The following HIF1A variants were observed in gnomAD, a reference collection of about 807,000 sequenced individuals.
HIF1A encodes the protein hypoxia-inducible factor 1-alpha.
HIF1A carries 24 observed loss-of-function variants against 92.7 expected under a neutral mutation model. The observed-to-expected ratio is 0.26, with a 90% CI of 0.19 to 0.36. HIF1A has a LOEUF of 0.36. Ranked by LOEUF, HIF1A falls within the 10% of genes least tolerant of loss-of-function variation. The probability of loss-of-function intolerance (pLI) is 1.00; values close to 1 mark genes in which losing one functional copy is unlikely to be tolerated. For synonymous variants in HIF1A, 319 were observed against 338.7 expected (o/e 0.94, Z 0.64); for missense variants, 799 against 998.5 (o/e 0.80, Z 2.69).
At chr14:61,699,337 G>T (rs1439873147) in intron 1 of HIF1A, among the ~76,000 whole-genome samples, 1 of 152,118 alleles carries the variant, frequency 6.6e-6, no homozygotes, top group East Asian at 1.9e-4. Flanking sequence ...TACTTTTAAC[G>T]CCATTGTCTG....
chr14:61,746,994 G>C lies in HIF1A; in HGVS notation c.2390G>C (p.Ser797Thr). 1 of 1,613,704 alleles carries C rather than the reference G, an allele frequency of 6.2e-7. No individual in the cohort carries two copies. The highest frequency in any genetic ancestry group is 2.2e-5 in the East Asian group (1 of 44,870). Residue 797 changes from serine (S) to threonine (T), a missense_variant, in exon 15 of 15, where the codon AGT (serine) becomes ACT (threonine). Coordinates refer to ENST00000337138, the MANE Select transcript of HIF1A (RefSeq NM_001530.4). ...MDESGLPQLT[S>T]YDCEVNAPIQ... ...GAAAGTGGATTACCACAGCTGACCA[G>C]TTATGATTGTGAAGTTAATGCTCCT...
At position 61,745,726 on chromosome 14, in the gene HIF1A, T is replaced by C; in HGVS notation, c.2238T>C (p.Ala746=). ...TACAGCAGCCAGACGATCATGCAGCTACTACATCACTTTCTTGGAAACGTG... is the reference window on the plus strand; with the variant it reads ...TACAGCAGCCAGACGATCATGCAGCCACTACATCACTTTCTTGGAAACGTG... ...TLLQQPDDHA[A]TTSLSWKRVK... Residue 746 remains alanine (A), a synonymous_variant, in exon 14 of 15, where the codon GCT becomes GCC. Coordinates refer to ENST00000337138, the MANE Select transcript of HIF1A (RefSeq NM_001530.4). The C allele has an allele frequency of 1.2e-6, 2 of 1,612,664 alleles. No individual in the cohort carries two copies. The highest frequency in any genetic ancestry group is 1.7e-6 in the Non-Finnish European group (2 of 1,178,704).
chr14:61,740,358 C>T, intron 10 of HIF1A, 147 bp from the exon 11 acceptor site: 1 of 588,802 alleles, frequency 1.7e-6, no homozygotes, highest in Non-Finnish European at 2.9e-6. Context: ...AGCCACTGAG[C>T]CCGGCCTAGT....
Position 61,744,697 on chromosome 14 carries a change from C to A in HIF1A, c.2094-8C>A. 1 of 1,298,818 alleles carries A rather than the reference C, an allele frequency of 7.7e-7. No individual in the cohort carries two copies. Among genetic ancestry groups the A allele is most frequent in the South Asian group, 1.3e-5 (1 of 75,146 alleles). The allele number at this position is 1,298,818 out of a possible 1,614,324, so 80.5% of individuals were successfully genotyped here. On this transcript the variant is annotated splice_region_variant and splice_polypyrimidine_tract_variant and intron_variant, in intron 12 of 14. Transcript: ENST00000337138. The stretch of plus-strand genomic sequence containing the variant: ...CTATATTTTCATTTAGAATTTTTTT[C>A]TTTTCAGAACTACAGTTCCTGAGGA...
At chr14:61,723,121 C>T (rs755399766) in intron 4 of HIF1A, among the ~76,000 whole-genome samples, 1 of 152,116 alleles carries the variant, frequency 6.6e-6, no homozygotes, top group Non-Finnish European at 1.5e-5. Flanking sequence ...TAAGTGCATA[C>T]GTTTGTTTGC....
chr14:61,731,483 A>T (rs2044575005), intron 6 of HIF1A, among the ~76,000 whole-genome samples: 1 of 152,238 alleles, frequency 6.6e-6, no homozygotes. Flanking sequence ...ATATTGTTTT[A>T]TCTGAAATTA....
rs777410426 is a variant in HIF1A, at chr14:61,732,551, T to G, written c.880+27T>G. The G allele has an allele frequency of 2.1e-5, 29 of 1,352,482 alleles. 2 individuals are homozygous for G. In the South Asian group the frequency reaches 3.4e-4, roughly 16 times the overall value. 83.8% of individuals were successfully genotyped at this position (1,352,482 alleles called of 1,614,324 possible). A position where few individuals can be genotyped will look rare whatever the true frequency, so the allele number is the denominator to read the frequency against. ...TAAGTACAATGGAAGAACTCAGAGA[T>G]ATTCTAATTACTTAACTGTTGCAAC... On this transcript the variant is annotated intron_variant, in intron 7 of 14. Coordinates refer to ENST00000337138, the MANE Select transcript of HIF1A (RefSeq NM_001530.4).
At chr14:61,746,639 C>T (rs1335166291) in intron 14 of HIF1A, among the ~76,000 whole-genome samples, 1 of 152,090 alleles carries the variant, frequency 6.6e-6, no homozygotes, top group Non-Finnish European at 1.5e-5. Context: ...AAGTGATCCT[C>T]CTGCCTCAGC....
chr14:61,729,671 A>T (rs1321141351), intron 6 of HIF1A, among the ~76,000 whole-genome samples: 2 of 152,112 alleles, frequency 1.3e-5, no homozygotes, highest in African/African-American at 4.8e-5. Context: ...TATTTTGAGG[A>T]ATTATTTTTT....
Position 61,747,025 on chromosome 14 carries a change from A to T in HIF1A, c.2421A>T (p.Gln807His). Reference sequence around the variant, plus strand: ...ATTGTGAAGTTAATGCTCCTATACAAGGCAGCAGAAACCTACTGCAGGGTG... The same window carrying T: ...ATTGTGAAGTTAATGCTCCTATACATGGCAGCAGAAACCTACTGCAGGGTG... ...SYDCEVNAPI[Q>H]GSRNLLQGEE... is the part of the protein sequence containing the mutation. The change falls in exon 15 of 15, where the codon CAA (glutamine) becomes CAT (histidine). Residue 807 changes from glutamine (Q) to histidine (H), a missense_variant. Around this residue, in one of 2 missense-constraint regions of HIF1A, gnomAD observed 283 missense variants for 277.5 expected, o/e 1.02. Coordinates refer to ENST00000337138, the MANE Select transcript of HIF1A (RefSeq NM_001530.4). 1 of 1,613,010 alleles carries T rather than the reference A, an allele frequency of 6.2e-7. No homozygotes were observed. Among genetic ancestry groups the T allele is most frequent in the Non-Finnish European group, 8.5e-7 (1 of 1,179,134 alleles).
intron 1 of HIF1A, among the ~76,000 whole-genome samples, chr14:61,696,652 T>C (rs1434203760): frequency 6.6e-6 from 1 of 152,194 alleles, no homozygotes; most frequent in Non-Finnish European, 1.5e-5. Context: ...AATGAATATA[T>C]GCCTCATTCA....
chr14:61,701,715 C>T (rs910846123), intron 1 of HIF1A, among the ~76,000 whole-genome samples: 6 of 152,096 alleles, frequency 3.9e-5, no homozygotes, highest in South Asian at 2.1e-4. Context: ...GGGCTGGGCG[C>T]GGTGGCTCAT....
At chr14:61,699,233 G>C (rs1015179606) in intron 1 of HIF1A, among the ~76,000 whole-genome samples, 3 of 152,162 alleles carry the variant, frequency 2.0e-5, no homozygotes. Flanking sequence ...TTTAGACTGA[G>C]AAAGTATTGG....
chr14:61,728,874 A>G (rs566758891), intron 6 of HIF1A, among the ~76,000 whole-genome samples: 1 of 152,268 alleles, frequency 6.6e-6, no homozygotes, highest in African/African-American at 2.4e-5. Context: ...AAATGCCTCA[A>G]ATGCTTCCCT....
chr14:61,699,277 G>A (rs2044150035), intron 1 of HIF1A, among the ~76,000 whole-genome samples: 1 of 152,282 alleles, frequency 6.6e-6, no homozygotes, highest in African/African-American at 2.4e-5. Flanking sequence ...AGAGCACCTT[G>A]TGCAGTTTGG....
chr14:61,718,898 C>G (rs1425842425), intron 1 of HIF1A, among the ~76,000 whole-genome samples: 1 of 152,090 alleles, frequency 6.6e-6, no homozygotes, highest in Non-Finnish European at 1.5e-5. Context: ...TGAAATTTTT[C>G]TATCAAAGTT....
chr14:61,700,290 T>C (rs1007917188), intron 1 of HIF1A, among the ~76,000 whole-genome samples: 1 of 152,142 alleles, frequency 6.6e-6, no homozygotes, highest in Non-Finnish European at 1.5e-5. Flanking sequence ...ATCTTACCCA[T>C]TAAACAACTC....
intron 8 of HIF1A, among the ~76,000 whole-genome samples, chr14:61,736,267 A>G (rs1161152239): frequency 6.6e-6 from 1 of 151,988 alleles, no homozygotes; most frequent in Non-Finnish European, 1.5e-5. Context: ...ATGAGCCACC[A>G]CGCCCAGCCT....
rs1184019596 is a variant in HIF1A, at chr14:61,727,644, T to C, written c.762T>C (p.Tyr254=). 9 of 1,609,328 alleles carry C rather than the reference T, an allele frequency of 5.6e-6. No individual in the cohort carries two copies. In the Admixed American group the frequency reaches 8.3e-5, roughly 15 times the overall value. ...SRHSLDMKFS[Y]CDERITELMG... ...ACAGCCTGGATATGAAATTTTCTTA[T>C]TGTGATGAAAGGTAAATTAGATCTA... The change falls in exon 6 of 15, where the codon TAT becomes TAC. Residue 254 remains tyrosine, a synonymous_variant. Coordinates refer to ENST00000337138, the MANE Select transcript of HIF1A (RefSeq NM_001530.4).
Sources: gnomAD v4.1 joint callset for allele counts (sites outside exome capture counted in the v4.1 genomes callset) on GRCh38, gnomAD v4.1.1 for gene constraint, gnomAD v4.1.1 regional missense constraint, MANE v1.5 for transcripts, NCBI Gene and HGNC (gene_info 2026-07-23, HGNC 2026-07-21) for gene names.